MTMR8: variants seen among roughly 807,000 people sequenced by gnomAD.
MTMR8 encodes the protein myotubularin related protein 8.
Under a neutral mutation model 39.3 loss-of-function variants are expected in MTMR8, and 65 were observed. The observed-to-expected ratio is 1.65, with a 90% confidence interval of 1.35 to 2.03. MTMR8 has a LOEUF of 2.03. MTMR8 is among the 30% of genes most tolerant of loss of function. The pLI, the probability that MTMR8 is intolerant of heterozygous loss-of-function variation, is 0.00. For synonymous variants in MTMR8, 245 were observed against 185.2 expected (o/e 1.32, Z -2.62); for missense variants, 777 against 538.9 (o/e 1.44, Z -4.37).
chrX:64,377,646 T>TA (rs1924305391), intron 1 of MTMR8, among the ~76,000 whole-genome samples: 1 of 112,539 alleles, frequency 8.9e-6, no homozygotes, highest in Admixed American at 9.4e-5. Context: ...TACAGGCTCA[T>TA]AAGCACAAGG....
At chrX:64,333,661 A>G (rs1922999557) in intron 10 of MTMR8, among the ~76,000 whole-genome samples, 1 of 110,724 alleles carries the variant, frequency 9.0e-6, no homozygotes, top group African/African-American at 3.3e-5. Flanking sequence ...CTTCTCTTCT[A>G]CCCCCTTGAG....
intron 12 of MTMR8, among the ~76,000 whole-genome samples, chrX:64,275,648 C>CAAAAAAAAAAAAAAAAA (rs60193863): frequency 2.5e-5 from 1 of 40,693 alleles, no homozygotes; most frequent in Non-Finnish European, 5.4e-5. Flanking sequence ...GAGTCTCTCT[C>CAAAAAAAAAAAAAAAAA]AAAAAAAAAA....
Position 64,306,139 on chromosome X carries a change from G to T in MTMR8, c.1481+22633C>A, listed in dbSNP as rs750460214. On this transcript the variant is annotated intron_variant, in intron 12 of 13. Transcript: ENST00000374852. ...AAAAAATGTTTTGAAGTAAAATAAA[G>T]GTTTCACAACTCCAAGACTTATGAC... The T allele has an allele frequency of 6.1e-4, 153 of 250,021 alleles. 1 individual carries two copies. Among genetic ancestry groups the T allele is most frequent in the African/African-American group, 4.3e-3 (148 of 34,725 alleles). 20.6% of individuals were successfully genotyped at this position (250,021 alleles called of 1,213,427 possible). A position where few individuals can be genotyped will look rare whatever the true frequency, so the allele number is the denominator to read the frequency against.
intron 1 of MTMR8, among the ~76,000 whole-genome samples, chrX:64,390,618 G>T (rs1007779263): frequency 4.5e-5 from 5 of 111,523 alleles, no homozygotes; most frequent in Non-Finnish European, 7.5e-5. Flanking sequence ...TTCGTTATTA[G>T]CAGCTTTATT....
At chrX:64,318,417 T>C (rs964171901) in intron 12 of MTMR8, among the ~76,000 whole-genome samples, 2 of 111,933 alleles carry the variant, frequency 1.8e-5, no homozygotes, top group Non-Finnish European at 3.8e-5. Context: ...AGATGGCTTC[T>C]ATTTGTGGCT....
At chrX:64,369,710 C>T (rs1215434969) in intron 1 of MTMR8, among the ~76,000 whole-genome samples, 1 of 110,724 alleles carries the variant, frequency 9.0e-6, no homozygotes, top group Non-Finnish European at 1.9e-5. Context: ...ACATGTATAC[C>T]TATGTAACAA....
intron 12 of MTMR8, among the ~76,000 whole-genome samples, chrX:64,280,796 A>G (rs1931990441): frequency 9.0e-6 from 1 of 111,565 alleles, no homozygotes; most frequent in Non-Finnish European, 1.9e-5. Flanking sequence ...TATCCAGAAA[A>G]CATTATTGTC....
At chrX:64,308,228 A>T (rs1162639672) in intron 12 of MTMR8, among the ~76,000 whole-genome samples, 7 of 108,918 alleles carry the variant, frequency 6.4e-5, no homozygotes, top group Non-Finnish European at 1.1e-4. Context: ...TTTTTTTTTT[A>T]TTATTATTTT....
chrX:64,356,030 T>A (rs1055666780), intron 3 of MTMR8, 146 bp downstream of exon 3: 8 of 529,656 alleles, frequency 1.5e-5, no homozygotes, highest in African/African-American at 1.2e-4. Flanking sequence ...GTTCAGAGGT[T>A]ATATAACTTG....
chrX:64,363,063 G>T (rs1348781017), intron 1 of MTMR8, among the ~76,000 whole-genome samples: 1 of 111,725 alleles, frequency 9.0e-6, no homozygotes. Flanking sequence ...AAACTAGACA[G>T]CTAGAAGATG....
At position 64,337,275 on chromosome X, in the gene MTMR8, C is replaced by A. The variant is rs1312482310; in HGVS notation, c.1094G>T (p.Gly365Val). The A allele has an allele frequency of 8.3e-7, 1 of 1,207,753 alleles. No homozygotes were observed. Among genetic ancestry groups the A allele is most frequent in the African/African-American group, 1.8e-5 (1 of 57,061 alleles). ...LLDPFYRTFK[G>V]LMILIEKEWI... ...AGTAGCGTGCTCTCTTACCATGAGT[C>A]CTTTGAATGTCCTATAAAATGGATC... Residue 365 changes from glycine to valine, a missense_variant, in exon 9 of 14, where the codon GGA (glycine) becomes GTA (valine). Physicochemically the swap from Gly to Val is moderately radical, Grantham distance 109 (BLOSUM62 -3). Coordinates refer to ENST00000374852, the MANE Select transcript of MTMR8 (RefSeq NM_017677.4).
chrX:64,359,374 G>A, intron 2 of MTMR8, 31 bp downstream of exon 2: 1 of 1,185,532 alleles, frequency 8.4e-7, no homozygotes, highest in Non-Finnish European at 1.1e-6. Context: ...AACTCTTTAA[G>A]ACTCTTTGAT....
At chrX:64,316,928 T>C (rs1464351543) in intron 12 of MTMR8, among the ~76,000 whole-genome samples, 1 of 108,435 alleles carries the variant, frequency 9.2e-6, no homozygotes, top group Non-Finnish European at 1.9e-5. Context: ...CTGGCCAACA[T>C]AGCAAAATCC....
Position 64,343,689 on chromosome X carries a change from T to A in MTMR8, c.897A>T (p.Glu299Asp), listed in dbSNP as rs1172777759. 8.3e-7 allele frequency: 1 copy of A among 1,206,595 alleles called. No individual in the cohort carries two copies. The highest frequency in any genetic ancestry group is 2.2e-5 in the Admixed American group (1 of 45,895). The stretch of plus-strand genomic sequence containing the variant: ...CTGAGCTCTCCAGGCCGCTAAGAAA[T>A]TCACTCATTGTTGGAGTTTTCAATT... Reference protein sequence around the residue: ...VCELKTPTMSEFLSGLESSGW... With the variant: ...VCELKTPTMSDFLSGLESSGW... Residue 299 changes from glutamate (E) to aspartate (D), a missense_variant, in exon 8 of 14, where the codon GAA becomes GAT. Coordinates refer to ENST00000374852, the MANE Select transcript of MTMR8 (RefSeq NM_017677.4).
chrX:64,362,471 GAAAAAAAAAA>G (rs760545171), intron 1 of MTMR8, among the ~76,000 whole-genome samples: 195 of 5,477 alleles, frequency 0.036, no homozygotes, highest in African/African-American at 0.099. Context: ...TACTATTGCA[GAAAAAAAAAA>G]AAAAAAAAAA....
chrX:64,367,844 T>G (rs1384289908), intron 1 of MTMR8, among the ~76,000 whole-genome samples: 2 of 111,668 alleles, frequency 1.8e-5, no homozygotes, highest in African/African-American at 3.3e-5. Flanking sequence ...ATGACATGAT[T>G]GTATATCTAG....
At position 64,376,422 on chromosome X, in the gene MTMR8, G is replaced by T. The variant is rs764601571; in HGVS notation, c.25-16895C>A. Among the ~76,000 whole-genome samples the T allele has an allele frequency of 7.3e-4, 82 of 111,939 alleles. No individual in the cohort carries two copies. The South Asian group carries it at 0.018, about 25-fold the overall frequency. ...CTCAGATGGAGATGAGGAACCTATT[G>T]GGAACTGGAGTAAAAGTCACTCTTG... On this transcript the variant is annotated intron_variant, in intron 1 of 13. Transcript: ENST00000374852.
rs189742657 is a variant in MTMR8 at position 64,364,785 on chromosome X, G to A, written c.25-5258C>T. 2.7e-3 allele frequency among the ~76,000 whole-genome samples: 307 copies of A among 111,893 alleles called. 6 individuals are homozygous for A. Among genetic ancestry groups the A allele is most frequent in the Admixed American group, 0.023 (240 of 10,542 alleles). On this transcript the variant is annotated intron_variant, in intron 1 of 13. Transcript: ENST00000374852. ...GGCTTTCACAAGCTGACAGAAGTAGGCATCAGAAGGTCAGTAATAAACTTC... is the reference window on the plus strand; with the variant it reads ...GGCTTTCACAAGCTGACAGAAGTAGACATCAGAAGGTCAGTAATAAACTTC...
intron 1 of MTMR8, among the ~76,000 whole-genome samples, chrX:64,389,195 G>A (rs990206333): frequency 1.1e-4 from 12 of 111,578 alleles, no homozygotes; most frequent in African/African-American, 3.3e-4. Context: ...GCTCTATAAA[G>A]GTTAAATATT....
Sources: allele counts gnomAD v4.1 joint callset (sites outside exome capture counted in the v4.1 genomes callset), GRCh38; gene constraint gnomAD v4.1.1; transcripts MANE v1.5; gene names NCBI Gene and HGNC (gene_info 2026-07-23, HGNC 2026-07-21).